The following TXNRD1 variants were observed in gnomAD, a reference collection of about 807,000 sequenced individuals.
TXNRD1 encodes the protein thioredoxin reductase 1, also known as thioredoxin reductase 1, cytoplasmic.
TXNRD1 carries 57 observed loss-of-function variants against 80.3 expected under a neutral mutation model. The observed-to-expected ratio is 0.71, with a 90% CI of 0.57 to 0.89. The LOEUF (loss-of-function observed/expected upper bound fraction) is 0.89, where lower values mean the gene tolerates loss of function less well. TXNRD1 is among the 40% of genes least tolerant of loss of function. The pLI is 0.00. For missense variants in TXNRD1, 730 were observed against 803.0 expected (o/e 0.91, Z 1.10); for synonymous variants, 291 against 285.2 (o/e 1.02, Z -0.20).
At chr12:104,256,043 G>A (rs2033242042) in intron 2 of TXNRD1, among the ~76,000 whole-genome samples, 1 of 152,092 alleles carries the variant, frequency 6.6e-6, no homozygotes, top group Admixed American at 6.6e-5. Context: ...ATACTTAGCT[G>A]TTCACATTTA....
chr12:104,306,170 CTGGGA>C (rs1371095577), intron 4 of TXNRD1, among the ~76,000 whole-genome samples: 1 of 152,198 alleles, frequency 6.6e-6, no homozygotes, highest in African/African-American at 2.4e-5. Context: ...TCCGGAAATG[CTGGGA>C]TTACAAGTGT....
intron 4 of TXNRD1, chr12:104,309,730 A>G (rs1034455896): frequency 8.8e-6 from 13 of 1,478,150 alleles, no homozygotes; most frequent in Admixed American, 2.0e-5. Context: ...TCGAATGGCT[A>G]TTATTACCAA....
intron 1 of TXNRD1, among the ~76,000 whole-genome samples, chr12:104,231,291 G>A (rs900382644): frequency 2.0e-5 from 3 of 152,132 alleles, no homozygotes; most frequent in Non-Finnish European, 2.9e-5. Context: ...AAGGGGTGTC[G>A]AATGGGGAAC....
At chr12:104,336,383 T>C (rs1467547385) in intron 15 of TXNRD1, among the ~76,000 whole-genome samples, 1 of 152,324 alleles carries the variant, frequency 6.6e-6, no homozygotes, top group South Asian at 2.1e-4. Context: ...AGAAGATGAA[T>C]ATCTGTTACT....
chr12:104,228,702 A>G (rs897061535), intron 1 of TXNRD1, among the ~76,000 whole-genome samples: 4 of 152,108 alleles, frequency 2.6e-5, no homozygotes, highest in African/African-American at 9.7e-5. Context: ...CTTCACCACT[A>G]TTGAATTTGA....
intron 3 of TXNRD1, 189 bp downstream of exon 3, chr12:104,258,268 C>T (rs1459422965): frequency 1.9e-6 from 1 of 533,414 alleles, no homozygotes; most frequent in African/African-American, 2.0e-5. Context: ...TTAGCCTTTA[C>T]CTAGTGTATA....
At chr12:104,310,128 A>G in intron 4 of TXNRD1, 1 of 1,472,798 alleles carries the variant, frequency 6.8e-7, no homozygotes, top group African/African-American at 1.4e-5. Context: ...TTTTGTTATT[A>G]AAGTTAAGGC....
At chr12:104,243,157 A>G (rs1391232271) in intron 1 of TXNRD1, among the ~76,000 whole-genome samples, 1 of 152,220 alleles carries the variant, frequency 6.6e-6, no homozygotes. Flanking sequence ...TAAAAAACCT[A>G]CCTAGGGTTT....
chr12:104,268,861 C>T (rs191627837), intron 3 of TXNRD1, among the ~76,000 whole-genome samples: 17 of 151,890 alleles, frequency 1.1e-4, no homozygotes, highest in African/African-American at 3.4e-4. Context: ...CTCTCAAACC[C>T]TGCCACTGCT....
chr12:104,264,629 CTGTTT>C (rs549486749), intron 3 of TXNRD1, among the ~76,000 whole-genome samples: 186 of 152,100 alleles, frequency 1.2e-3, no homozygotes, highest in African/African-American at 4.0e-3. Flanking sequence ...AAACTCTGTT[CTGTTT>C]TATTATTTAA....
intron 1 of TXNRD1, among the ~76,000 whole-genome samples, chr12:104,248,559 C>T (rs1424017612): frequency 3.3e-5 from 5 of 152,128 alleles, no homozygotes; most frequent in East Asian, 1.9e-4. Context: ...GCAGGAATTA[C>T]GGGCGGGTGT....
intron 3 of TXNRD1, among the ~76,000 whole-genome samples, chr12:104,279,265 T>C (rs1374024253): frequency 1.3e-5 from 2 of 152,174 alleles, no homozygotes; most frequent in East Asian, 1.9e-4. Context: ...CAAATACTCA[T>C]AAAAGTATGA....
intron 3 of TXNRD1, among the ~76,000 whole-genome samples, chr12:104,264,029 T>C (rs796721252): frequency 2.0e-5 from 3 of 152,290 alleles, no homozygotes; most frequent in African/African-American, 7.2e-5. Flanking sequence ...ATTGTTTTCC[T>C]TGAACAAATA....
At chr12:104,269,356 AT>A (rs892211440) in intron 3 of TXNRD1, among the ~76,000 whole-genome samples, 52 of 147,804 alleles carry the variant, frequency 3.5e-4, no homozygotes, top group Middle Eastern at 7.2e-3. Flanking sequence ...ATCAGACTCT[AT>A]TTTTTGTGGG....
At chr12:104,298,605 T>C (rs2135769586) in intron 4 of TXNRD1, among the ~76,000 whole-genome samples, 1 of 152,080 alleles carries the variant, frequency 6.6e-6, no homozygotes, top group East Asian at 1.9e-4. Context: ...ACACGTGTAA[T>C]CCCAGCTACT....
At chr12:104,311,514 C>A in intron 5 of TXNRD1, 102 bp downstream of exon 5, 1 of 1,432,262 alleles carries the variant, frequency 7.0e-7, no homozygotes. Flanking sequence ...TTTATTTGAT[C>A]CACTCCTGTG....
chr12:104,304,067 C>T (rs1425520125), intron 4 of TXNRD1: 5 of 1,613,782 alleles, frequency 3.1e-6, no homozygotes, highest in East Asian at 2.2e-5. Flanking sequence ...CAGGCAGTAC[C>T]GGCAGCTCAT....
chr12:104,231,674 G>T (rs1270048652), intron 1 of TXNRD1, among the ~76,000 whole-genome samples: 1 of 152,118 alleles, frequency 6.6e-6, no homozygotes, highest in Non-Finnish European at 1.5e-5. Context: ...TTCCCTCTGG[G>T]GGGTGTCTAT....
In TXNRD1 at chr12:104,304,078, G is replaced by T; in HGVS notation, c.415-7212G>T. On this transcript the variant is annotated intron_variant, in intron 4 of 16. Transcript: ENST00000525566. Reference sequence around the variant, plus strand: ...TCCGCAGGCAGTACCGGCAGCTCATGTACTGCGTGCGGCAGAACCGGGAGG... The same window carrying T: ...TCCGCAGGCAGTACCGGCAGCTCATTTACTGCGTGCGGCAGAACCGGGAGG... 6.2e-7 allele frequency: 1 copy of T among 1,613,992 alleles called. No individual in the cohort carries two copies.
Sources: gnomAD v4.1 joint callset for allele counts (sites outside exome capture counted in the v4.1 genomes callset) on GRCh38, gnomAD v4.1.1 for gene constraint, MANE v1.5 for transcripts, NCBI Gene and HGNC (gene_info 2026-07-23, HGNC 2026-07-21) for gene names.